The following CFAP77 variants were observed in gnomAD, a reference collection of about 807,000 sequenced individuals.
CFAP77 encodes cilia and flagella associated protein 77, also known as cilia- and flagella-associated protein 77.
Under a neutral mutation model 31.1 loss-of-function variants are expected in CFAP77, and 25 were observed. The observed-to-expected ratio is 0.80, with a 90% CI of 0.59 to 1.12. The LOEUF is 1.12. Ranked by LOEUF, CFAP77 falls within the 50% of genes most tolerant of loss-of-function variation. The pLI, the probability that CFAP77 is intolerant of heterozygous loss-of-function variation, is 0.00. For synonymous variants in CFAP77, 151 were observed against 159.9 expected, an observed-to-expected ratio of 0.94 and a Z score of 0.42; for missense variants, 377 against 397.3, an observed-to-expected ratio of 0.95 and a Z score of 0.44.
chr9:132,458,628 G>C (rs1032348060), intron 1 of CFAP77, among the ~76,000 whole-genome samples: 1 of 152,220 alleles, frequency 6.6e-6, no homozygotes, highest in Non-Finnish European at 1.5e-5. Context: ...TCTGGAGGGA[G>C]CTCTCCCTCC....
intron 5 of CFAP77, among the ~76,000 whole-genome samples, chr9:132,560,372 G>T (rs1852974944): frequency 6.6e-6 from 1 of 152,120 alleles, no homozygotes; most frequent in South Asian, 2.1e-4. Context: ...AGCTGAAGAA[G>T]CTTAGGAGCT....
At chr9:132,420,752 A>G (rs1691192126) in intron 1 of CFAP77, among the ~76,000 whole-genome samples, 1 of 152,150 alleles carries the variant, frequency 6.6e-6, no homozygotes, top group South Asian at 2.1e-4. Context: ...TTGAGCACAT[A>G]ATGTGTACCA....
rs1166871968 is a variant in CFAP77 at position 132,467,351 on chromosome 9, A to G, written c.196-31344A>G. On this transcript the variant is annotated intron_variant, in intron 1 of 5. Transcript: ENST00000393216. The stretch of plus-strand genomic sequence containing the variant: ...CCCCATTAAACAACATCTCCCCATC[A>G]TCCCCCTCCTCCCCTCAGCTCCTGG... 2.6e-5 allele frequency among the ~76,000 whole-genome samples: 4 copies of G among 151,782 alleles called. No individual in the cohort carries two copies. The South Asian group carries it at 8.3e-4, about 31-fold the overall frequency.
rs1022368597 is a variant in CFAP77 at position 132,490,875 on chromosome 9, A to C, written c.196-7820A>C. 3.9e-5 allele frequency among the ~76,000 whole-genome samples: 6 copies of C among 152,184 alleles called. No individual in the cohort carries two copies. The highest frequency in any genetic ancestry group is 8.8e-5 in the Non-Finnish European group (6 of 68,046). ...ATGTCCGGCCGGGGCCACTGTCTGC[A>C]TGGCGTCTGCGTGTTCTCCCCGTGT... is the stretch of plus-strand genomic sequence containing the variant. On this transcript the variant is annotated intron_variant, in intron 1 of 5. Coordinates refer to ENST00000393216, the MANE Select transcript of CFAP77 (RefSeq NM_001282957.2). The surrounding 1 kb of genome is among the most constrained non-coding windows in gnomAD (Gnocchi z 4.6).
intron 1 of CFAP77, among the ~76,000 whole-genome samples, chr9:132,414,432 C>T (rs957998866): frequency 1.3e-4 from 20 of 151,248 alleles, no homozygotes; most frequent in African/African-American, 3.9e-4. Flanking sequence ...GAGATGAATG[C>T]GAAGAGGCAG....
intron 1 of CFAP77, among the ~76,000 whole-genome samples, chr9:132,430,411 A>G (rs1850393434): frequency 6.6e-6 from 1 of 152,174 alleles, no homozygotes; most frequent in Admixed American, 6.5e-5. Context: ...GGAACATTCC[A>G]AATCATAGCC....
intron 3 of CFAP77, among the ~76,000 whole-genome samples, chr9:132,510,149 C>T (rs1180304617): frequency 1.3e-5 from 2 of 152,164 alleles, no homozygotes; most frequent in Non-Finnish European, 2.9e-5. Context: ...TGGCCAGGCC[C>T]GAACCCCATC....
At chr9:132,419,872 A>G (rs912434506) in intron 1 of CFAP77, among the ~76,000 whole-genome samples, 1 of 152,172 alleles carries the variant, frequency 6.6e-6, no homozygotes, top group Admixed American at 6.5e-5. Context: ...AGTTATTAAA[A>G]GTGGGTGGCT....
At chr9:132,514,848 C>T (rs1821654527) in intron 3 of CFAP77, among the ~76,000 whole-genome samples, 2 of 152,190 alleles carry the variant, frequency 1.3e-5, no homozygotes, top group South Asian at 4.1e-4. Context: ...AGTTCCACCC[C>T]TCTTCCTAGA....
intron 3 of CFAP77, among the ~76,000 whole-genome samples, chr9:132,509,724 G>A (rs1851999150): frequency 6.6e-6 from 1 of 152,104 alleles, no homozygotes; most frequent in East Asian, 1.9e-4. Flanking sequence ...AGTCAAGATT[G>A]CACCACTACA....
intron 1 of CFAP77, among the ~76,000 whole-genome samples, chr9:132,462,939 A>ATGGT (rs371163839): frequency 0.062 from 9,436 of 152,320 alleles, 323 homozygotes; most frequent in Middle Eastern, 0.1. Flanking sequence ...CTCCAGCACC[A>ATGGT]GGTCCAAGGC....
intron 1 of CFAP77, among the ~76,000 whole-genome samples, chr9:132,486,077 TATATATATA>T (rs1851548300): frequency 5.0e-5 from 1 of 20,146 alleles, no homozygotes; most frequent in Admixed American, 6.2e-4. Flanking sequence ...TATATATATA[TATATATATA>T]TATATTTTTT....
At position 132,564,065 on chromosome 9, in the gene CFAP77, G is replaced by T. The variant is rs904835789; in HGVS notation, c.733-8323G>T. Among the ~76,000 whole-genome samples, 4 of 152,152 alleles carry T rather than the reference G, an allele frequency of 2.6e-5. No individual in the cohort carries two copies. The highest frequency in any genetic ancestry group is 7.2e-5 in the African/African-American group (3 of 41,440). On this transcript the variant is annotated intron_variant, in intron 5 of 5. Coordinates refer to ENST00000393216, the MANE Select transcript of CFAP77 (RefSeq NM_001282957.2). The surrounding 1 kb of genome is among the most constrained non-coding windows in gnomAD (Gnocchi z 4.6). ...GTATCATAAGCTCTTACAGAACCTT[G>T]TACTTCTTTTAATACACAATTCTAA...
intron 1 of CFAP77, among the ~76,000 whole-genome samples, chr9:132,454,239 A>G (rs1472412087): frequency 6.6e-6 from 1 of 151,978 alleles, no homozygotes; most frequent in Non-Finnish European, 1.5e-5. Flanking sequence ...GAGTTTATCA[A>G]TATTTCAATT....
chr9:132,468,389 G>A (rs1326827568), intron 1 of CFAP77, among the ~76,000 whole-genome samples: 1 of 152,084 alleles, frequency 6.6e-6, no homozygotes, highest in Non-Finnish European at 1.5e-5. Flanking sequence ...ACAGGCCACA[G>A]TCCTCCCTTT....
intron 5 of CFAP77, among the ~76,000 whole-genome samples, chr9:132,557,073 T>C (rs1852916860): frequency 1.3e-5 from 2 of 152,222 alleles, no homozygotes; most frequent in African/African-American, 4.8e-5. Context: ...TTTCTCATTA[T>C]TTTCTGTCAA....
intron 5 of CFAP77, among the ~76,000 whole-genome samples, chr9:132,561,367 C>CG (rs1021337827): frequency 6.6e-6 from 1 of 150,820 alleles, no homozygotes; most frequent in Non-Finnish European, 1.5e-5. Context: ...ATCTGTTTTC[C>CG]CCCCCCAAAT....
In CFAP77 at chr9:132,501,441, C is replaced by CAAA. The variant is rs1851841301; in HGVS notation, c.524+1842_524+1843insAAA. ...TTGGACAGTGTCTCTGTCTGTCCCCCAGGCTGGAGTGCAGTGGCGCAGTCT... is the reference window on the plus strand; with the variant it reads ...TTGGACAGTGTCTCTGTCTGTCCCCCAAAAGGCTGGAGTGCAGTGGCGCAGTCT... On this transcript the variant is annotated intron_variant, in intron 3 of 5. Transcript: ENST00000393216. The surrounding 1 kb of genome is among the most constrained non-coding windows in gnomAD (Gnocchi z 4.6). Among the ~76,000 whole-genome samples, 4 of 151,826 alleles carry CAAA rather than the reference C, an allele frequency of 2.6e-5. No individual in the cohort carries two copies. The highest frequency in any genetic ancestry group is 5.9e-5 in the Non-Finnish European group (4 of 67,966).
intron 1 of CFAP77, among the ~76,000 whole-genome samples, chr9:132,417,333 T>C (rs989375632): frequency 6.6e-6 from 1 of 152,178 alleles, no homozygotes; most frequent in Non-Finnish European, 1.5e-5. Context: ...CAGGCTGGTT[T>C]CAAACCCCTG....
Sources: gnomAD v4.1 joint callset for allele counts (sites outside exome capture counted in the v4.1 genomes callset) on GRCh38, gnomAD v4.1.1 for gene constraint, Gnocchi (gnomAD v3.1) non-coding constraint, MANE v1.5 for transcripts, NCBI Gene and HGNC (gene_info 2026-07-23, HGNC 2026-07-21) for gene names.